KIAA0825: variants seen among roughly 807,000 people sequenced by gnomAD.
KIAA0825 encodes KIAA0825.
A neutral mutation model predicts 147.6 loss-of-function variants in KIAA0825; 119 were observed. That is an observed-to-expected ratio of 0.81 (90% CI 0.69 to 0.94). The LOEUF (loss-of-function observed/expected upper bound fraction) is 0.94, where lower values mean the gene tolerates loss of function less well. Ranked by LOEUF, KIAA0825 falls within the 40% of genes least tolerant of loss-of-function variation. The pLI is 0.00. For synonymous variants in KIAA0825, 470 were observed against 518.1 expected (o/e 0.91, Z 1.26); for missense variants, 1,381 against 1,472.7 (o/e 0.94, Z 1.02).
rs558439027 is a variant in KIAA0825 at position 94,356,772 on chromosome 5, T to C, written c.3710+27596A>G. 4.2e-5 allele frequency among the ~76,000 whole-genome samples: 6 copies of C among 142,556 alleles called. No individual in the cohort carries two copies. The East Asian group carries it at 1.1e-3, about 25-fold the overall frequency. 93.5% of individuals were successfully genotyped at this position (142,556 alleles called of 152,430 possible). A position where few individuals can be genotyped will look rare whatever the true frequency, so the allele number is the denominator to read the frequency against. On this transcript the variant is annotated intron_variant, in intron 20 of 20. Transcript: ENST00000682413. ...CGGAGTCTCGCTCTGTCGCCCACGC[T>C]GGAGTACAATGGTGTGATCTTGGCT...
intron 2 of KIAA0825, among the ~76,000 whole-genome samples, chr5:94,538,605 C>T (rs1257659186): frequency 1.3e-5 from 2 of 152,212 alleles, no homozygotes; most frequent in East Asian, 3.8e-4. Flanking sequence ...TTTGGTTAAA[C>T]TTGATTCTCC....
At chr5:94,325,527 C>A (rs1029139907) in intron 20 of KIAA0825, among the ~76,000 whole-genome samples, 1 of 151,934 alleles carries the variant, frequency 6.6e-6, no homozygotes, top group East Asian at 1.9e-4. Context: ...AAATATTCAG[C>A]ATGTGCACAT....
chr5:94,337,845 A>T (rs1047468235), intron 20 of KIAA0825, among the ~76,000 whole-genome samples: 5 of 152,242 alleles, frequency 3.3e-5, no homozygotes, highest in African/African-American at 1.2e-4. Flanking sequence ...TTGAGATTTC[A>T]TTCTAAGTGC....
At chr5:94,225,945 T>C (rs2150073933) in intron 20 of KIAA0825, among the ~76,000 whole-genome samples, 1 of 152,288 alleles carries the variant, frequency 6.6e-6, no homozygotes, top group East Asian at 1.9e-4. Context: ...ATTCAGGACA[T>C]AGGCAGGGCA....
Position 94,153,966 on chromosome 5 carries a change from G to T in KIAA0825, c.*41C>A. The stretch of plus-strand genomic sequence containing the variant: ...GTAAAAAATCCTACTCCATTACATG[G>T]GATTGTTTCCTAAAATAAAGCTGTT... On this transcript the variant is annotated 3_prime_UTR_variant, in exon 21 of 21. Transcript: ENST00000682413. 7.3e-7 allele frequency: 1 copy of T among 1,363,874 alleles called. No individual in the cohort carries two copies. The highest frequency in any genetic ancestry group is 1.0e-6 in the Non-Finnish European group (1 of 976,162). The allele number at this position is 1,363,874 out of a possible 1,614,324, so 84.5% of individuals were successfully genotyped here.
At chr5:94,489,033 G>T (rs1763395821) in intron 5 of KIAA0825, among the ~76,000 whole-genome samples, 1 of 152,168 alleles carries the variant, frequency 6.6e-6, no homozygotes, top group Non-Finnish European at 1.5e-5. Context: ...CTGCCTTACA[G>T]ATTTTCCTTT....
At chr5:94,541,972 A>T (rs1773409364) in intron 2 of KIAA0825, among the ~76,000 whole-genome samples, 2 of 152,258 alleles carry the variant, frequency 1.3e-5, no homozygotes, top group African/African-American at 4.8e-5. Flanking sequence ...AATAATTATT[A>T]CATAAAATTA....
At chr5:94,207,884 T>C (rs373339687) in intron 20 of KIAA0825, among the ~76,000 whole-genome samples, 4 of 152,196 alleles carry the variant, frequency 2.6e-5, no homozygotes, top group African/African-American at 7.2e-5. Flanking sequence ...TTATGCTATA[T>C]TGGGATATAA....
At chr5:94,215,168 A>C (rs1773086901) in intron 20 of KIAA0825, among the ~76,000 whole-genome samples, 1 of 152,234 alleles carries the variant, frequency 6.6e-6, no homozygotes. Context: ...GGAAAAGGAA[A>C]AGAAGGCTCA....
intron 20 of KIAA0825, among the ~76,000 whole-genome samples, chr5:94,243,328 G>A (rs1775448908): frequency 6.6e-6 from 1 of 152,164 alleles, no homozygotes; most frequent in Non-Finnish European, 1.5e-5. Context: ...GATCCTGAAT[G>A]GCAGGCCTTG....
chr5:94,316,553 G>A (rs1246770789), intron 20 of KIAA0825, among the ~76,000 whole-genome samples: 2 of 151,596 alleles, frequency 1.3e-5, no homozygotes, highest in Non-Finnish European at 3.0e-5. Context: ...CACATTGATG[G>A]CTGTGGCCTC....
chr5:94,376,482 C>T (rs1747589023), intron 20 of KIAA0825, among the ~76,000 whole-genome samples: 1 of 152,104 alleles, frequency 6.6e-6, no homozygotes, highest in Admixed American at 6.6e-5. Context: ...TACAAGCTAC[C>T]CATCAGGAAA....
At chr5:94,434,341 T>C (rs1445511328) in intron 14 of KIAA0825, among the ~76,000 whole-genome samples, 1 of 152,228 alleles carries the variant, frequency 6.6e-6, no homozygotes, top group Non-Finnish European at 1.5e-5. Context: ...AAATTATAAA[T>C]CCTTACCATT....
intron 20 of KIAA0825, among the ~76,000 whole-genome samples, chr5:94,350,886 C>CTTT (rs35084160): frequency 2.9e-5 from 4 of 139,278 alleles, no homozygotes; most frequent in Non-Finnish European, 4.7e-5. Flanking sequence ...GATGTCCACT[C>CTTT]TTTTTTTTTT....
chr5:94,596,861 G>A (rs1397633945), intron 1 of KIAA0825, among the ~76,000 whole-genome samples: 1 of 152,118 alleles, frequency 6.6e-6, no homozygotes, highest in Non-Finnish European at 1.5e-5. Flanking sequence ...CTGTGTTCCT[G>A]ATTTGGCACC....
At chr5:94,500,636 C>G (rs1764959137) in intron 5 of KIAA0825, among the ~76,000 whole-genome samples, 1 of 152,102 alleles carries the variant, frequency 6.6e-6, no homozygotes, top group Non-Finnish European at 1.5e-5. Flanking sequence ...AGGCATTTAG[C>G]TGTAGAAGTA....
At chr5:94,421,459 TC>T (rs1418983856) in intron 14 of KIAA0825, among the ~76,000 whole-genome samples, 1 of 152,204 alleles carries the variant, frequency 6.6e-6, no homozygotes, top group Non-Finnish European at 1.5e-5. Context: ...ATTGCTGTGT[TC>T]CCTAGTTCTG....
rs575091134 is a variant in KIAA0825, at chr5:94,571,418, T to C, written c.-2+11015A>G. ...CTGACGTACAACTGACATAATTTAA[T>C]GATTGAAGTTCTTCTAATGGAGTGA... On this transcript the variant is annotated intron_variant, in intron 2 of 20. Transcript: ENST00000682413. Among the ~76,000 whole-genome samples, 240 of 152,364 alleles carry C rather than the reference T, an allele frequency of 1.6e-3. 1 individual carries two copies. The highest frequency in any genetic ancestry group is 2.6e-3 in the Non-Finnish European group (178 of 68,018).
intron 1 of KIAA0825, among the ~76,000 whole-genome samples, chr5:94,612,565 T>A (rs911006944): frequency 1.7e-4 from 26 of 152,302 alleles, no homozygotes; most frequent in Non-Finnish European, 8.8e-5. Context: ...AAACATCTTG[T>A]ACATCTTACC....
Sources: allele counts gnomAD v4.1 joint callset (sites outside exome capture counted in the v4.1 genomes callset), GRCh38; gene constraint gnomAD v4.1.1; transcripts MANE v1.5; gene names NCBI Gene and HGNC (gene_info 2026-07-23, HGNC 2026-07-21).